Variants in DIP2C observed in about 807,000 individuals in gnomAD.
DIP2C encodes disco-interacting protein 2 homolog C.
DIP2C carries 33 observed loss-of-function variants against 192.4 expected under a neutral mutation model. The ratio of observed to expected loss-of-function variants is 0.17; its 90% CI spans 0.13 to 0.23. The LOEUF (loss-of-function observed/expected upper bound fraction) is 0.23, where lower values mean the gene tolerates loss of function less well. Ranked by LOEUF, DIP2C falls within the 10% of genes least tolerant of loss-of-function variation. The pLI, the probability that DIP2C is intolerant of heterozygous loss-of-function variation, is 1.00. For missense variants in DIP2C, 1,537 were observed against 2,110.1 expected (o/e 0.73, Z 5.32); for synonymous variants, 979 against 864.1 (o/e 1.13, Z -2.33).
chr10:679,722 C>G (rs546485827), intron 1 of DIP2C, among the ~76,000 whole-genome samples: 1 of 151,004 alleles, frequency 6.6e-6, no homozygotes, highest in African/African-American at 2.4e-5. Context: ...CTCCCTGCAT[C>G]CGTCCTCCCC....
chr10:656,592 A>G (rs1180884569), intron 1 of DIP2C, among the ~76,000 whole-genome samples: 1 of 152,236 alleles, frequency 6.6e-6, no homozygotes, highest in Non-Finnish European at 1.5e-5. Flanking sequence ...GATTCTATCA[A>G]TACGGCTTCT....
At chr10:455,102 A>G (rs1736634445) in intron 3 of DIP2C, among the ~76,000 whole-genome samples, 1 of 152,216 alleles carries the variant, frequency 6.6e-6, no homozygotes, top group South Asian at 2.1e-4. Flanking sequence ...CCTCCAAGGT[A>G]GATACGTGGC....
chr10:604,485 A>G (rs974569240), intron 1 of DIP2C, among the ~76,000 whole-genome samples: 1 of 152,232 alleles, frequency 6.6e-6, no homozygotes, highest in Non-Finnish European at 1.5e-5. Flanking sequence ...GACTTTCAAA[A>G]AAGCAACCAG....
intron 1 of DIP2C, among the ~76,000 whole-genome samples, chr10:567,118 A>C (rs1390125511): frequency 6.6e-6 from 1 of 152,198 alleles, no homozygotes; most frequent in Non-Finnish European, 1.5e-5. Context: ...TCCAGGGCCC[A>C]TCTCAGAGCT....
intron 1 of DIP2C, among the ~76,000 whole-genome samples, chr10:519,982 G>A (rs1458494668): frequency 6.6e-6 from 1 of 152,208 alleles, no homozygotes; most frequent in Non-Finnish European, 1.5e-5. Context: ...CACCATGGCG[G>A]GCAGGAAGCT....
At chr10:342,953 G>C (rs1958230281) in intron 28 of DIP2C, among the ~76,000 whole-genome samples, 1 of 152,198 alleles carries the variant, frequency 6.6e-6, no homozygotes, top group African/African-American at 2.4e-5. Flanking sequence ...GAGGAAAAAG[G>C]AAGTCAAAGC....
intron 10 of DIP2C, among the ~76,000 whole-genome samples, chr10:396,516 A>G (rs1450611141): frequency 6.6e-6 from 1 of 152,242 alleles, no homozygotes; most frequent in Admixed American, 6.5e-5. Flanking sequence ...AACCATCACC[A>G]TATGCTCATG....
At chr10:449,917 C>CAAAAAAAAAAAAA (rs1287942290) in intron 3 of DIP2C, among the ~76,000 whole-genome samples, 1 of 22,560 alleles carries the variant, frequency 4.4e-5, no homozygotes, top group Non-Finnish European at 1.1e-4. Context: ...CAGTCAACAA[C>CAAAAAAAAAAAAA]AACAAAAAAA....
chr10:344,951 C>G, intron 27 of DIP2C, 33 bp from the exon 28 acceptor site: 3 of 1,604,546 alleles, frequency 1.9e-6, no homozygotes, highest in Non-Finnish European at 2.6e-6. Flanking sequence ...GCAGATCCAG[C>G]CTGAGCAAGG....
In DIP2C at chr10:689,607, C is replaced by G; in HGVS notation, c.-29G>C. Reference sequence around the variant, plus strand: ...CCGCGGGCGCCGCGCCCCGCACGGCCTCCTCTTTGTTCGCAGGCGGAGGTC... The same window carrying G: ...CCGCGGGCGCCGCGCCCCGCACGGCGTCCTCTTTGTTCGCAGGCGGAGGTC... On this transcript the variant is annotated 5_prime_UTR_variant, in exon 1 of 37. Coordinates refer to ENST00000280886, the MANE Select transcript of DIP2C (RefSeq NM_014974.3). This position sits in a 1 kb window ranked among gnomAD's most constrained non-coding sequence, Gnocchi z 6.1. The G allele has an allele frequency of 2.7e-6, 3 of 1,112,596 alleles. No homozygotes were observed. The highest frequency in any genetic ancestry group is 5.3e-5 in the East Asian group (1 of 19,032). The allele number at this position is 1,112,596 out of a possible 1,614,324, so 68.9% of individuals were successfully genotyped here. A position where few individuals can be genotyped will look rare whatever the true frequency, so the allele number is the denominator to read the frequency against.
chr10:363,601 C>T lies in DIP2C; in HGVS notation c.2478-290G>A, dbSNP rs552198610. Reference sequence around the variant, plus strand: ...GCCTTTCGGTACAGAGGGGCAAATGCGCAATGATCAGACCTGCTGAAATTT... The same window carrying T: ...GCCTTTCGGTACAGAGGGGCAAATGTGCAATGATCAGACCTGCTGAAATTT... On this transcript the variant is annotated intron_variant, in intron 20 of 36. Transcript: ENST00000280886. The surrounding 1 kb of genome is among the most constrained non-coding windows in gnomAD (Gnocchi z 5.4). Among the ~76,000 whole-genome samples, 8 of 152,294 alleles carry T rather than the reference C, an allele frequency of 5.3e-5. No individual in the cohort carries two copies. In the South Asian group the frequency reaches 8.3e-4, roughly 16 times the overall value.
At chr10:351,007 G>A (rs184192889) in intron 24 of DIP2C, among the ~76,000 whole-genome samples, 11 of 151,910 alleles carry the variant, frequency 7.2e-5, no homozygotes, top group East Asian at 5.8e-4. Flanking sequence ...GATGGAGCGC[G>A]CGGCGGGCCT....
intron 1 of DIP2C, among the ~76,000 whole-genome samples, chr10:621,673 T>C (rs1853860846): frequency 6.6e-6 from 1 of 151,944 alleles, no homozygotes; most frequent in Non-Finnish European, 1.5e-5. Context: ...CACTCACCCT[T>C]CCGCCTCCAT....
chr10:281,983 G>C (rs1196614451), intron 35 of DIP2C: 1 of 152,176 alleles, frequency 6.6e-6, no homozygotes, highest in East Asian at 1.9e-4. Flanking sequence ...GCATATTAGG[G>C]AAAATTTGAA....
At chr10:484,682 G>A (rs758564096) in intron 2 of DIP2C, 1 of 1,451,762 alleles carries the variant, frequency 6.9e-7, no homozygotes, top group Non-Finnish European at 9.1e-7. Context: ...GGCCCCCAAG[G>A]CCACACCCTA....
At chr10:350,632 A>ATTTTT (rs56171130) in intron 24 of DIP2C, among the ~76,000 whole-genome samples, 3 of 84,224 alleles carry the variant, frequency 3.6e-5, no homozygotes, top group African/African-American at 1.4e-4. Flanking sequence ...GGGCTCAGGA[A>ATTTTT]TTTTTTTTTT....
At chr10:672,841 A>C (rs1211994316) in intron 1 of DIP2C, among the ~76,000 whole-genome samples, 1 of 152,232 alleles carries the variant, frequency 6.6e-6, no homozygotes, top group Non-Finnish European at 1.5e-5. Context: ...TGATTCTAGA[A>C]GGTGCTATAC....
At chr10:582,643 C>T (rs907200989) in intron 1 of DIP2C, among the ~76,000 whole-genome samples, 22 of 152,032 alleles carry the variant, frequency 1.4e-4, no homozygotes, top group Middle Eastern at 3.2e-3. Context: ...GAGGAAACAC[C>T]GCAGAAGACT....
chr10:557,430 G>C (rs1015800974), intron 1 of DIP2C, among the ~76,000 whole-genome samples: 1 of 151,510 alleles, frequency 6.6e-6, no homozygotes, highest in Non-Finnish European at 1.5e-5. Context: ...GGAGTCACTT[G>C]TCACACAGCA....
Sources: gnomAD v4.1 joint callset for allele counts (sites outside exome capture counted in the v4.1 genomes callset) on GRCh38, gnomAD v4.1.1 for gene constraint, Gnocchi (gnomAD v3.1) non-coding constraint, MANE v1.5 for transcripts, NCBI Gene and HGNC (gene_info 2026-07-23, HGNC 2026-07-21) for gene names.